FOLH1: variants seen among roughly 807,000 people sequenced by gnomAD.
FOLH1 encodes the protein folate hydrolase 1, also known as glutamate carboxypeptidase 2.
Under a neutral mutation model 93.9 loss-of-function variants are expected in FOLH1, and 54 were observed. The observed-to-expected ratio is 0.57, with a 90% CI of 0.46 to 0.72. The LOEUF (loss-of-function observed/expected upper bound fraction) is 0.72, where lower values mean the gene tolerates loss of function less well. Ranked by LOEUF, FOLH1 falls within the 30% of genes least tolerant of loss-of-function variation. The pLI is 0.00. For missense variants in FOLH1, 571 were observed against 892.5 expected, an observed-to-expected ratio of 0.64 and a Z score of 4.59; for synonymous variants, 249 against 303.6, an observed-to-expected ratio of 0.82 and a Z score of 1.87.
At position 49,145,546 on chromosome 11, in the gene FOLH1, GA is replaced by G. The variant is rs935260736; in HGVS notation, c.*1209del. 6.6e-6 allele frequency among the ~76,000 whole-genome samples: 1 copy of G among 152,134 alleles called. No individual in the cohort carries two copies. Among genetic ancestry groups the G allele is most frequent in the African/African-American group, 2.4e-5 (1 of 41,440 alleles). ...ATAAACAGCTTTACACATTGGCCCA[GA>G]AGACAAGTTTCTGGGGAGTTCTGAA... is the stretch of plus-strand genomic sequence containing the variant. On this transcript the variant is annotated 3_prime_UTR_variant, in exon 19 of 19. Coordinates refer to ENST00000256999, the MANE Select transcript of FOLH1 (RefSeq NM_004476.3).
At chr11:49,204,227 A>T (rs7950700) in intron 2 of FOLH1, among the ~76,000 whole-genome samples, 11,463 of 152,150 alleles carry the variant, frequency 0.075, 1,243 homozygotes, top group African/African-American at 0.24. Context: ...GCCTTCTCTC[A>T]CCTTCATGTG....
intron 7 of FOLH1, among the ~76,000 whole-genome samples, chr11:49,181,687 T>C (rs1300758960): frequency 1.3e-5 from 2 of 152,176 alleles, no homozygotes; most frequent in Non-Finnish European, 2.9e-5. Context: ...ACTTAGTCTT[T>C]ATTTATACAT....
In FOLH1 at chr11:49,185,694, A is replaced by G; in HGVS notation, c.801T>C (p.Pro267=). The change falls in exon 6 of 19, where the codon CCT becomes CCC. Residue 267 remains proline, a synonymous_variant. Transcript: ENST00000256999. ...NILNLNGAGD[P]LTPGYPANEY... ...CATTTGCTGGGTAACCTGGTGTGAGAGGGTCTCCTGCACCATTCAGATTTA... is the reference window on the plus strand; with the variant it reads ...CATTTGCTGGGTAACCTGGTGTGAGGGGGTCTCCTGCACCATTCAGATTTA... The G allele has an allele frequency of 6.2e-7, 1 of 1,613,834 alleles. No homozygotes were observed. The highest frequency in any genetic ancestry group is 8.5e-7 in the Non-Finnish European group (1 of 1,179,808).
At chr11:49,191,146 G>C (rs1442356300) in intron 4 of FOLH1, among the ~76,000 whole-genome samples, 9 of 152,122 alleles carry the variant, frequency 5.9e-5, no homozygotes, top group African/African-American at 2.2e-4. Flanking sequence ...GGAGTAGCTG[G>C]GACTACAGGC....
In FOLH1 at chr11:49,161,608, T is replaced by C. The variant is rs562528139; in HGVS notation, c.1440+3097A>G. ...TTGCCACTCTATGTATTTTAATTGG[T>C]GTATTTAGACCATTTACATATAAGA... On this transcript the variant is annotated intron_variant, in intron 13 of 18. Coordinates refer to ENST00000256999, the MANE Select transcript of FOLH1 (RefSeq NM_004476.3). Among the ~76,000 whole-genome samples, 11 of 152,302 alleles carry C rather than the reference T, an allele frequency of 7.2e-5. No individual in the cohort carries two copies. In the South Asian group the frequency reaches 1.9e-3, roughly 26 times the overall value.
intron 17 of FOLH1, among the ~76,000 whole-genome samples, chr11:49,149,486 A>G (rs1856222467): frequency 6.6e-6 from 1 of 152,164 alleles, no homozygotes; most frequent in African/African-American, 2.4e-5. Flanking sequence ...TCATGTTGTT[A>G]AGACAATGAG....
intron 4 of FOLH1, among the ~76,000 whole-genome samples, chr11:49,192,406 T>A (rs1489936800): frequency 6.6e-6 from 1 of 152,106 alleles, no homozygotes; most frequent in Non-Finnish European, 1.5e-5. Context: ...AAAACTAATT[T>A]ATGGTGGCAG....
At chr11:49,174,005 T>C (rs995256784) in intron 9 of FOLH1, among the ~76,000 whole-genome samples, 2 of 152,188 alleles carry the variant, frequency 1.3e-5, no homozygotes, top group African/African-American at 2.4e-5. Flanking sequence ...TTTCTTTGCC[T>C]ACCCAGCTCT....
intron 5 of FOLH1, 103 bp from the exon 6 acceptor site, chr11:49,185,958 C>G: frequency 7.4e-7 from 1 of 1,357,700 alleles, no homozygotes; most frequent in Non-Finnish European, 9.7e-7. Flanking sequence ...AGAACTTTAT[C>G]TTCAACCTTT....
rs188862409 is a variant in FOLH1, at chr11:49,151,885, T to C, written c.1970+1961A>G. Among the ~76,000 whole-genome samples, 902 of 152,246 alleles carry C rather than the reference T, an allele frequency of 5.9e-3. 13 individuals are homozygous for C. Among genetic ancestry groups the C allele is most frequent in the African/African-American group, 0.021 (863 of 41,552 alleles). On this transcript the variant is annotated intron_variant, in intron 17 of 18. Transcript: ENST00000256999. Reference sequence around the variant, plus strand: ...TCTCCTTAAAATGTATTTCTTATTGTTGACTTTTTTACTCACATATAAAAA... The same window carrying C: ...TCTCCTTAAAATGTATTTCTTATTGCTGACTTTTTTACTCACATATAAAAA...
intron 11 of FOLH1, among the ~76,000 whole-genome samples, chr11:49,170,038 T>C (rs1433887225): frequency 1.3e-5 from 2 of 149,458 alleles, no homozygotes; most frequent in Non-Finnish European, 3.0e-5. Flanking sequence ...GCACCATTTT[T>C]TTTTTCAAAG....
intron 7 of FOLH1, among the ~76,000 whole-genome samples, chr11:49,180,671 G>T (rs577194019): frequency 3.5e-4 from 54 of 152,204 alleles, no homozygotes; most frequent in African/African-American, 1.3e-3. Flanking sequence ...CACTCCCAAG[G>T]TACGTGTGCC....
Position 49,156,769 on chromosome 11 carries a change from A to G in FOLH1, c.1571T>C (p.Phe524Ser). ...TGAAGCAATTCCAAGTCGTTGGAAGAACACCTCAAAATCATTTCCAGATCC... is the reference window on the plus strand; with the variant it reads ...TGAAGCAATTCCAAGTCGTTGGAAGGACACCTCAAAATCATTTCCAGATCC... The part of the protein sequence containing the change: ...KLGSGNDFEV[F>S]FQRLGIASGR... Residue 524 changes from phenylalanine (F) to serine (S), a missense_variant, in exon 15 of 19, where the codon TTC (phenylalanine) becomes TCC (serine). Phe to Ser is a radical substitution (Grantham distance 155, BLOSUM62 -2). Around this residue, in one of 2 missense-constraint regions of FOLH1, gnomAD observed 500 missense variants for 822.9 expected, o/e 0.61. Coordinates refer to ENST00000256999, the MANE Select transcript of FOLH1 (RefSeq NM_004476.3). 14 of 1,612,836 alleles carry G rather than the reference A, an allele frequency of 8.7e-6. No homozygotes were observed. The highest frequency in any genetic ancestry group is 1.2e-5 in the Non-Finnish European group (14 of 1,179,120).
At chr11:49,205,602 C>T (rs1167753927) in intron 2 of FOLH1, among the ~76,000 whole-genome samples, 1 of 152,218 alleles carries the variant, frequency 6.6e-6, no homozygotes, top group Non-Finnish European at 1.5e-5. Context: ...AAACTAGGTT[C>T]CACTGGCCAA....
intron 4 of FOLH1, 71 bp from the exon 5 acceptor site, chr11:49,186,840 T>C (rs1252061790): frequency 6.7e-7 from 1 of 1,490,186 alleles, no homozygotes; most frequent in African/African-American, 1.4e-5. Flanking sequence ...TGGGGACTGT[T>C]GGACATTTTT....
At chr11:49,148,763 C>G in intron 17 of FOLH1, 32 bp from the exon 18 acceptor site, 1 of 1,495,934 alleles carries the variant, frequency 6.7e-7, no homozygotes, top group Non-Finnish European at 9.0e-7. Flanking sequence ...ATTATAACTT[C>G]ATGAAAATAT....
chr11:49,192,712 G>A, intron 4 of FOLH1, 81 bp downstream of exon 4: 1 of 1,207,398 alleles, frequency 8.3e-7, no homozygotes, highest in South Asian at 1.7e-5. Flanking sequence ...GTCCCTTTAT[G>A]ACCCTTTAAT....
intron 12 of FOLH1, among the ~76,000 whole-genome samples, chr11:49,166,281 T>C (rs910986378): frequency 6.6e-6 from 1 of 152,148 alleles, no homozygotes; most frequent in Non-Finnish European, 1.5e-5. Flanking sequence ...CAATAGAGTG[T>C]AGTGGTTAGA....
intron 3 of FOLH1, among the ~76,000 whole-genome samples, chr11:49,195,723 G>A (rs985677162): frequency 3.9e-5 from 6 of 152,066 alleles, no homozygotes; most frequent in African/African-American, 1.4e-4. Flanking sequence ...TTATTAAAAA[G>A]AGGCACATCT....
Sources: gnomAD v4.1 joint callset for allele counts (sites outside exome capture counted in the v4.1 genomes callset) on GRCh38, gnomAD v4.1.1 for gene constraint, gnomAD v4.1.1 regional missense constraint, MANE v1.5 for transcripts, NCBI Gene and HGNC (gene_info 2026-07-23, HGNC 2026-07-21) for gene names.